The following MAD1L1 variants were observed in gnomAD, a reference collection of about 807,000 sequenced individuals.
MAD1L1 encodes the protein mitotic spindle assembly checkpoint protein MAD1.
MAD1L1 carries 95 observed loss-of-function variants against 96.9 expected under a neutral mutation model. That is an observed-to-expected ratio of 0.98 (90% CI 0.83 to 1.16). The LOEUF is 1.16. Among genes scored for constraint, MAD1L1 ranks in the 50% most tolerant of loss-of-function variants. The pLI, the probability that MAD1L1 is intolerant of heterozygous loss-of-function variation, is 0.00. For synonymous variants in MAD1L1, 473 were observed against 396.6 expected, an observed-to-expected ratio of 1.19 and a Z score of -2.29; for missense variants, 1,007 against 954.4, an observed-to-expected ratio of 1.06 and a Z score of -0.73.
chr7:1,937,551 C>G (rs1285660318), intron 16 of MAD1L1, among the ~76,000 whole-genome samples: 2 of 152,164 alleles, frequency 1.3e-5, no homozygotes, highest in Non-Finnish European at 2.9e-5. Flanking sequence ...AGCCCTGCAG[C>G]AGGGACAGCC....
chr7:1,985,505 A>G (rs1049236649), intron 14 of MAD1L1, among the ~76,000 whole-genome samples: 2 of 152,184 alleles, frequency 1.3e-5, no homozygotes, highest in Non-Finnish European at 1.5e-5. Flanking sequence ...TGCTCTAGGG[A>G]GCCTAACATG....
intron 18 of MAD1L1, among the ~76,000 whole-genome samples, chr7:1,857,268 G>T (rs1784304435): frequency 6.6e-6 from 1 of 152,172 alleles, no homozygotes; most frequent in Non-Finnish European, 1.5e-5. Flanking sequence ...GGCGAGGGTG[G>T]GTGCGATGAC....
chr7:2,108,188 T>G (rs1234408216), intron 11 of MAD1L1, among the ~76,000 whole-genome samples: 1 of 152,236 alleles, frequency 6.6e-6, no homozygotes, highest in African/African-American at 2.4e-5. Flanking sequence ...CCGGTGGGAT[T>G]CATGTCCGCT....
At chr7:1,919,971 C>A (rs183284862) in intron 17 of MAD1L1, among the ~76,000 whole-genome samples, 1 of 152,188 alleles carries the variant, frequency 6.6e-6, no homozygotes, top group Non-Finnish European at 1.5e-5. Flanking sequence ...GTCCACCCAA[C>A]GCTTATAGAG....
chr7:1,868,987 G>A (rs1224236761), intron 18 of MAD1L1, among the ~76,000 whole-genome samples: 1 of 152,206 alleles, frequency 6.6e-6, no homozygotes, highest in Non-Finnish European at 1.5e-5. Context: ...CGCGTGTGTA[G>A]GACTCCCCCA....
chr7:2,047,708 C>CA (rs1783986839), intron 12 of MAD1L1, among the ~76,000 whole-genome samples: 1 of 152,206 alleles, frequency 6.6e-6, no homozygotes, highest in Non-Finnish European at 1.5e-5. Flanking sequence ...TGTGCATGCT[C>CA]AGACACATGC....
chr7:1,999,125 G>A (rs752458954), intron 14 of MAD1L1, among the ~76,000 whole-genome samples: 10 of 152,146 alleles, frequency 6.6e-5, no homozygotes, highest in Non-Finnish European at 1.0e-4. Context: ...CTCAGATGAG[G>A]GCAGAGGAAT....
chr7:1,825,686 G>A (rs1385836796), intron 18 of MAD1L1, among the ~76,000 whole-genome samples: 2 of 152,342 alleles, frequency 1.3e-5, no homozygotes, highest in East Asian at 1.9e-4. Flanking sequence ...AGCTCTGCAC[G>A]AGCCTCCACG....
intron 18 of MAD1L1, among the ~76,000 whole-genome samples, chr7:1,850,404 GC>G (rs772255405): frequency 1.4e-4 from 22 of 152,358 alleles, no homozygotes; most frequent in Non-Finnish European, 2.9e-4. Flanking sequence ...GCCCAGCTCA[GC>G]CCCCTGGTAC....
At chr7:1,989,617 C>T (rs560760948) in intron 14 of MAD1L1, among the ~76,000 whole-genome samples, 20 of 152,350 alleles carry the variant, frequency 1.3e-4, no homozygotes, top group South Asian at 1.2e-3. Flanking sequence ...CGAGCACAGA[C>T]GTCCCGGCAG....
intron 18 of MAD1L1, among the ~76,000 whole-genome samples, chr7:1,882,771 C>T (rs1785765710): frequency 6.6e-6 from 1 of 152,228 alleles, no homozygotes; most frequent in African/African-American, 2.4e-5. Flanking sequence ...CGCTGGGGTC[C>T]ACACCCAGGC....
intron 16 of MAD1L1, among the ~76,000 whole-genome samples, chr7:1,946,142 T>C (rs1779219145): frequency 6.6e-6 from 1 of 152,210 alleles, no homozygotes; most frequent in Non-Finnish European, 1.5e-5. Flanking sequence ...CCAGGCCCCA[T>C]CTGCCCATCC....
intron 11 of MAD1L1, among the ~76,000 whole-genome samples, chr7:2,085,329 C>G (rs1785858997): frequency 6.6e-6 from 1 of 152,226 alleles, no homozygotes. Context: ...GCTCCACCCT[C>G]CCACCTCACC....
intron 11 of MAD1L1, chr7:2,089,291 G>C (rs187333094): frequency 6.6e-6 from 1 of 152,282 alleles, no homozygotes; most frequent in Non-Finnish European, 1.5e-5. Context: ...GAGGGACCCA[G>C]GGGGAGGTAA....
intron 17 of MAD1L1, among the ~76,000 whole-genome samples, chr7:1,905,935 AGCT>A (rs780080482): frequency 6.6e-6 from 1 of 151,524 alleles, no homozygotes; most frequent in Non-Finnish European, 1.5e-5. Flanking sequence ...CTGTAATCCC[AGCT>A]ACTCGGGAGG....
At chr7:1,910,478 G>C (rs1229873513) in intron 17 of MAD1L1, among the ~76,000 whole-genome samples, 1 of 152,204 alleles carries the variant, frequency 6.6e-6, no homozygotes, top group Non-Finnish European at 1.5e-5. Flanking sequence ...GGGACCCCTT[G>C]AACACCCGCC....
At chr7:2,107,349 AG>A (rs1282249636) in intron 11 of MAD1L1, 1 of 152,416 alleles carries the variant, frequency 6.6e-6, no homozygotes, top group Non-Finnish European at 1.5e-5. Context: ...TGGTCACTGC[AG>A]GGTGGTCTTT....
chr7:2,075,824 G>A (rs1272508330), intron 11 of MAD1L1, among the ~76,000 whole-genome samples: 3 of 152,278 alleles, frequency 2.0e-5, no homozygotes, highest in East Asian at 1.9e-4. Flanking sequence ...GCTCTTCCAC[G>A]CACGACCCAT....
intron 11 of MAD1L1, among the ~76,000 whole-genome samples, chr7:2,125,360 G>A (rs2398705): frequency 0.29 from 44,756 of 151,966 alleles, 8,120 homozygotes; most frequent in East Asian, 0.5. Context: ...GCCCTGAGCC[G>A]AGCCACCCAC....
Sources: allele counts gnomAD v4.1 joint callset (sites outside exome capture counted in the v4.1 genomes callset), GRCh38; gene constraint gnomAD v4.1.1; transcripts MANE v1.5; gene names NCBI Gene and HGNC (gene_info 2026-07-23, HGNC 2026-07-21).